The following ANKRD42 variants were observed in gnomAD, a reference collection of about 807,000 sequenced individuals.
The protein encoded by ANKRD42 is ankyrin repeat domain 42.
ANKRD42 carries 43 observed loss-of-function variants against 51.5 expected under a neutral mutation model. The ratio of observed to expected loss-of-function variants is 0.83; its 90% confidence interval spans 0.65 to 1.08. The LOEUF (loss-of-function observed/expected upper bound fraction) is 1.08, where lower values mean the gene tolerates loss of function less well. ANKRD42 is among the 50% of genes least tolerant of loss of function. The pLI is 0.00. For missense variants in ANKRD42, 608 were observed against 629.3 expected (o/e 0.97, Z 0.36); for synonymous variants, 203 against 213.0 (o/e 0.95, Z 0.41).
chr11:83,214,505 A>G, intron 5 of ANKRD42: 1 of 979,492 alleles, frequency 1.0e-6, no homozygotes, highest in Non-Finnish European at 1.2e-6. Flanking sequence ...AACCAGGTAG[A>G]GTATTTATAA....
chr11:83,196,179 A>G (rs900903274), intron 1 of ANKRD42, among the ~76,000 whole-genome samples: 3 of 152,046 alleles, frequency 2.0e-5, no homozygotes, highest in Non-Finnish European at 2.9e-5. Flanking sequence ...TTTGCTCCCC[A>G]TTCAGTAAAT....
chr11:83,229,373 A>G (rs1235635548), intron 7 of ANKRD42, among the ~76,000 whole-genome samples: 2 of 152,178 alleles, frequency 1.3e-5, no homozygotes, highest in Non-Finnish European at 2.9e-5. Flanking sequence ...TGAGGGGAAC[A>G]CAATTCCTCC....
At chr11:83,210,466 G>A in intron 4 of ANKRD42, 47 bp downstream of exon 4, 1 of 1,599,240 alleles carries the variant, frequency 6.3e-7, no homozygotes, top group African/African-American at 1.3e-5. Context: ...AATATAGATG[G>A]AATAGCATTT....
chr11:83,253,904 A>T (rs1158323316), downstream of ANKRD42, among the ~76,000 whole-genome samples: 4 of 152,180 alleles, frequency 2.6e-5, no homozygotes, highest in African/African-American at 9.7e-5. Flanking sequence ...GTTAGGAGGG[A>T]CTTTGGAAAA....
chr11:83,233,045 TTTTGATGTGTC>T (rs992941466), intron 7 of ANKRD42, among the ~76,000 whole-genome samples: 1 of 152,172 alleles, frequency 6.6e-6, no homozygotes, highest in Non-Finnish European at 1.5e-5. Context: ...TAGTTTTATT[TTTTGATGTGTC>T]TTTGTCTGAT....
intron 2 of ANKRD42, among the ~76,000 whole-genome samples, chr11:83,202,627 G>A (rs865974712): frequency 6.6e-6 from 1 of 152,126 alleles, no homozygotes; most frequent in Non-Finnish European, 1.5e-5. Flanking sequence ...CTTCCCACTG[G>A]TTACCTGGTT....
intron 1 of ANKRD42, among the ~76,000 whole-genome samples, chr11:83,195,836 T>G (rs1446400771): frequency 6.7e-6 from 1 of 148,778 alleles, no homozygotes; most frequent in Admixed American, 6.6e-5. Flanking sequence ...ACCTACTCTC[T>G]CTCTCTCTCT....
intron 8 of ANKRD42, among the ~76,000 whole-genome samples, chr11:83,239,674 C>G (rs994402226): frequency 1.3e-5 from 2 of 151,814 alleles, no homozygotes; most frequent in Non-Finnish European, 1.5e-5. Context: ...GTGCCTTTGT[C>G]AGATCAGTTC....
At chr11:83,256,151 A>C (rs1382718485), downstream of ANKRD42, 6 of 324,716 alleles carry the variant, frequency 1.8e-5, no homozygotes, top group Admixed American at 1.4e-4. Context: ...ATATCTCTAC[A>C]CAGGCAAGTC....
intron 5 of ANKRD42, among the ~76,000 whole-genome samples, chr11:83,220,150 T>C (rs1862673301): frequency 6.6e-6 from 1 of 152,178 alleles, no homozygotes; most frequent in African/African-American, 2.4e-5. Flanking sequence ...AGACGTCCGC[T>C]GAGCACTCCC....
intron 5 of ANKRD42, among the ~76,000 whole-genome samples, chr11:83,217,330 C>T (rs1256933476): frequency 6.6e-6 from 1 of 152,104 alleles, no homozygotes; most frequent in African/African-American, 2.4e-5. Context: ...AGATAATAGC[C>T]CCAGCTTTGG....
chr11:83,210,527 G>T, intron 4 of ANKRD42, 108 bp downstream of exon 4: 2 of 1,308,568 alleles, frequency 1.5e-6, no homozygotes, highest in Non-Finnish European at 2.1e-6. Flanking sequence ...ATATGACTTT[G>T]GGAAACTAAT....
In ANKRD42 at chr11:83,194,203, G is replaced by A. The variant is rs1861531017; in HGVS notation, c.-468G>A. The A allele has an allele frequency of 4.4e-6, 2 of 459,422 alleles. No homozygotes were observed. Among genetic ancestry groups the A allele is most frequent in the Admixed American group, 2.3e-5 (1 of 42,628 alleles). 28.5% of individuals were successfully genotyped at this position (459,422 alleles called of 1,614,324 possible). A position where few individuals can be genotyped will look rare whatever the true frequency, so the allele number is the denominator to read the frequency against. On this transcript the variant is annotated 5_prime_UTR_variant, in exon 1 of 11. Transcript: ENST00000533342. Reference sequence around the variant, plus strand: ...AGGCCACCAAACTACCGACTCCAGGGGAACAGCCAGAGAAGACCGAGGCCT... The same window carrying A: ...AGGCCACCAAACTACCGACTCCAGGAGAACAGCCAGAGAAGACCGAGGCCT...
At chr11:83,241,229 C>A (rs1216384462) in intron 9 of ANKRD42, among the ~76,000 whole-genome samples, 4 of 151,994 alleles carry the variant, frequency 2.6e-5, no homozygotes, top group African/African-American at 7.3e-5. Context: ...CAAGGATTTC[C>A]ATGGTTAGTT....
At chr11:83,240,321 G>A (rs946633727) in intron 8 of ANKRD42, among the ~76,000 whole-genome samples, 1 of 152,024 alleles carries the variant, frequency 6.6e-6, no homozygotes, top group Admixed American at 6.6e-5. Context: ...AAGATAGAGG[G>A]GGCTAGAGCT....
chr11:83,224,830 A>G, intron 5 of ANKRD42, 25 bp from the exon 6 acceptor site: 4 of 1,521,902 alleles, frequency 2.6e-6, no homozygotes, highest in Non-Finnish European at 3.5e-6. Flanking sequence ...TAAAAATTAA[A>G]TTAATTTTTT....
intron 2 of ANKRD42, among the ~76,000 whole-genome samples, chr11:83,199,881 T>C: frequency 6.6e-6 from 1 of 152,220 alleles, no homozygotes; most frequent in Non-Finnish European, 1.5e-5. Flanking sequence ...TTAAATGTTA[T>C]TATAAACAAA....
intron 11 of ANKRD42, among the ~76,000 whole-genome samples, chr11:83,255,558 G>A (rs1010231612): frequency 6.6e-6 from 1 of 152,154 alleles, no homozygotes; most frequent in African/African-American, 2.4e-5. Context: ...AATGAGATAA[G>A]ACGGAAAATT....
Position 83,213,322 on chromosome 11 carries a change from G to A in ANKRD42, c.586+1892G>A, listed in dbSNP as rs1021433833. On this transcript the variant is annotated intron_variant, in intron 5 of 10. Coordinates refer to ENST00000533342, the MANE Select transcript of ANKRD42 (RefSeq NM_001300975.2). The stretch of plus-strand genomic sequence containing the variant: ...AGATGTTTCCTCCAAGAACTGCAAA[G>A]CCATCGTGGAAAGAGCTGCCCAGCT... 13 of 1,585,292 alleles carry A rather than the reference G, an allele frequency of 8.2e-6. No individual in the cohort carries two copies. The Admixed American group carries it at 1.9e-4, about 23-fold the overall frequency.
Sources: allele counts gnomAD v4.1 joint callset (sites outside exome capture counted in the v4.1 genomes callset), GRCh38; gene constraint gnomAD v4.1.1; transcripts MANE v1.5; gene names NCBI Gene and HGNC (gene_info 2026-07-23, HGNC 2026-07-21).